Variants in ANK2 observed in about 807,000 individuals in gnomAD.
ANK2 encodes the protein ankyrin-2.
Under a neutral mutation model 360.5 loss-of-function variants are expected in ANK2, and 83 were observed. The ratio of observed to expected loss-of-function variants is 0.23; its 90% CI spans 0.19 to 0.28. ANK2 has a LOEUF of 0.28. ANK2 is among the 10% of genes least tolerant of loss of function. The pLI, the probability that ANK2 is intolerant of heterozygous loss-of-function variation, is 1.00. For missense variants in ANK2, 4,201 were observed against 4,795.7 expected, an observed-to-expected ratio of 0.88 and a Z score of 3.66; for synonymous variants, 1,740 against 1,759.5, an observed-to-expected ratio of 0.99 and a Z score of 0.28.
intron 2 of ANK2, among the ~76,000 whole-genome samples, chr4:113,011,648 G>A (rs1168711955): frequency 6.6e-6 from 1 of 152,048 alleles, no homozygotes; most frequent in Admixed American, 6.6e-5. Context: ...CCCTGTCTCT[G>A]GTGACAAGGA....
the ANK2 span, among the ~76,000 whole-genome samples, chr4:112,734,890 T>G: frequency 6.6e-6 from 1 of 152,230 alleles, no homozygotes; most frequent in Admixed American, 6.5e-5. Context: ...GTTTAATTTT[T>G]GTTTATTTGT....
chr4:113,163,302 G>A (rs984361578), intron 1 of ANK2, among the ~76,000 whole-genome samples: 1 of 152,082 alleles, frequency 6.6e-6, no homozygotes. Flanking sequence ...CAGTGTCCAT[G>A]TAAATTGTCA....
At chr4:113,235,168 A>G (rs2099361637) in intron 5 of ANK2, among the ~76,000 whole-genome samples, 1 of 152,188 alleles carries the variant, frequency 6.6e-6, no homozygotes, top group African/African-American at 2.4e-5. Flanking sequence ...ATAAACTATC[A>G]CAGTGCTGCA....
chr4:112,835,974 T>G (rs533280385), intron 1 of ANK2, among the ~76,000 whole-genome samples: 105 of 152,334 alleles, frequency 6.9e-4, no homozygotes, highest in African/African-American at 2.5e-3. Flanking sequence ...CTGAGGTTTT[T>G]GCTGTGAAGG....
chr4:112,869,257 C>T (rs2071893219), intron 1 of ANK2, among the ~76,000 whole-genome samples: 1 of 152,018 alleles, frequency 6.6e-6, no homozygotes, highest in Non-Finnish European at 1.5e-5. Flanking sequence ...CATGAGCCAC[C>T]ACACTTGGGC....
chr4:112,944,484 A>G (rs2094434294), intron 2 of ANK2, among the ~76,000 whole-genome samples: 2 of 152,196 alleles, frequency 1.3e-5, no homozygotes, highest in Admixed American at 6.5e-5. Flanking sequence ...AATACATGTA[A>G]TCATTGCTAC....
chr4:112,997,812 A>G (rs2049139209), intron 2 of ANK2, among the ~76,000 whole-genome samples: 1 of 152,012 alleles, frequency 6.6e-6, no homozygotes, highest in African/African-American at 2.4e-5. Context: ...ACACACACAC[A>G]CATATATGCA....
intron 29 of ANK2, 92 bp from the exon 30 acceptor site, chr4:113,335,754 G>A (rs1023997438): frequency 1.5e-6 from 2 of 1,332,378 alleles, no homozygotes; most frequent in East Asian, 2.3e-5. Context: ...TGGCACTTCT[G>A]TTCATTATTA....
intron 42 of ANK2, among the ~76,000 whole-genome samples, chr4:113,368,548 C>T (rs954556388): frequency 1.3e-5 from 2 of 152,024 alleles, no homozygotes; most frequent in Non-Finnish European, 2.9e-5. Context: ...TTTATGGAAG[C>T]CAAGGAGAAA....
chr4:113,283,896 G>T (rs1202844597), intron 18 of ANK2, among the ~76,000 whole-genome samples: 2 of 152,104 alleles, frequency 1.3e-5, no homozygotes, highest in Non-Finnish European at 2.9e-5. Flanking sequence ...TGATAAGTTG[G>T]TCTTAATGAC....
At chr4:112,765,837 T>C in the ANK2 span, among the ~76,000 whole-genome samples, 389 of 152,268 alleles carry the variant, frequency 2.6e-3, 1 homozygote, top group Non-Finnish European at 4.6e-3. Flanking sequence ...CATTTTTCGT[T>C]TGTCACAGTG....
At chr4:113,122,324 G>A (rs78280976) in intron 1 of ANK2, among the ~76,000 whole-genome samples, 2,562 of 152,012 alleles carry the variant, frequency 0.017, 78 homozygotes, top group African/African-American at 0.059. Context: ...GTCCAACTAC[G>A]GAAGTTGCAA....
chr4:112,994,074 C>G (rs2154280414), intron 2 of ANK2, among the ~76,000 whole-genome samples: 1 of 152,326 alleles, frequency 6.6e-6, no homozygotes, highest in East Asian at 1.9e-4. Context: ...TGGAACATCT[C>G]ACGTATTGCT....
rs1317309206 is a variant in ANK2, at chr4:112,998,079, T to C, written c.21+93565T>C. 3.9e-5 allele frequency among the ~76,000 whole-genome samples: 6 copies of C among 152,068 alleles called. 1 individual carries two copies. The South Asian group carries it at 1.2e-3, about 32-fold the overall frequency. On this transcript the variant is annotated intron_variant, in intron 2 of 30. Coordinates refer to the ANK2 transcript ENST00000503271. ...TTCCTCACATTTTATTATCAGAAGC[T>C]ACTAGAATTATAAAAAGTCCATTAG...
intron 1 of ANK2, among the ~76,000 whole-genome samples, chr4:113,165,180 G>A (rs1263524611): frequency 6.6e-6 from 1 of 152,130 alleles, no homozygotes; most frequent in Non-Finnish European, 1.5e-5. Flanking sequence ...CTAGCTAGTT[G>A]AAAATTGGGA....
intron 13 of ANK2, among the ~76,000 whole-genome samples, chr4:113,259,624 A>C (rs970594828): frequency 6.6e-5 from 10 of 152,076 alleles, no homozygotes; most frequent in African/African-American, 2.4e-4. Flanking sequence ...TATATTTATA[A>C]GTTTTCTTAA....
At chr4:112,881,987 C>A (rs1408924042) in intron 1 of ANK2, 7 of 576,822 alleles carry the variant, frequency 1.2e-5, no homozygotes, top group East Asian at 3.1e-5. Context: ...CCAGAGCCCC[C>A]GGAGTGCTTG....
intron 1 of ANK2, among the ~76,000 whole-genome samples, chr4:113,090,705 A>G (rs1198026609): frequency 6.6e-6 from 1 of 152,234 alleles, no homozygotes; most frequent in Non-Finnish European, 1.5e-5. Flanking sequence ...AGAAGATTTT[A>G]TGTAAAAGTC....
At chr4:113,251,394 A>G in intron 10 of ANK2, among the ~76,000 whole-genome samples, 1 of 150,568 alleles carries the variant, frequency 6.6e-6, no homozygotes, top group East Asian at 2.0e-4. Flanking sequence ...GCATCCAACT[A>G]TTATATAATA....
Sources: allele counts gnomAD v4.1 joint callset (sites outside exome capture counted in the v4.1 genomes callset), GRCh38; gene constraint gnomAD v4.1.1; transcripts MANE v1.5; gene names NCBI Gene and HGNC (gene_info 2026-07-23, HGNC 2026-07-21).